NOL4: variants seen among roughly 807,000 people sequenced by gnomAD.
The protein encoded by NOL4 is nucleolar protein 4.
Under a neutral mutation model 75.9 loss-of-function variants are expected in NOL4, and 17 were observed. That is an observed-to-expected ratio of 0.22 (90% CI 0.15 to 0.34). The LOEUF (loss-of-function observed/expected upper bound fraction) is 0.34. Among genes scored for constraint, NOL4 ranks in the 10% least tolerant of loss-of-function variants. The probability of loss-of-function intolerance (pLI) is 1.00; values close to 1 mark genes in which losing one functional copy is unlikely to be tolerated. For synonymous variants in NOL4, 292 were observed against 289.9 expected (o/e 1.01, Z -0.07); for missense variants, 614 against 793.5 (o/e 0.77, Z 2.72).
chr18:34,209,194 CAAA>C (rs777403436), intron 1 of NOL4, among the ~76,000 whole-genome samples: 1 of 56,454 alleles, frequency 1.8e-5, no homozygotes. Flanking sequence ...ACTCTGTCTC[CAAA>C]AAAAAAAAAA....
At chr18:34,074,654 C>T (rs1600493497) in intron 5 of NOL4, among the ~76,000 whole-genome samples, 2 of 151,888 alleles carry the variant, frequency 1.3e-5, no homozygotes, top group Non-Finnish European at 1.5e-5. Context: ...TGATATTTCA[C>T]GAGTACCAAG....
chr18:34,116,130 T>C (rs2079844910), intron 2 of NOL4, among the ~76,000 whole-genome samples: 1 of 152,116 alleles, frequency 6.6e-6, no homozygotes, highest in Non-Finnish European at 1.5e-5. Flanking sequence ...CATATAAAAG[T>C]AATTTAACCA....
chr18:33,976,515 TC>T (rs2071499639), intron 6 of NOL4, among the ~76,000 whole-genome samples: 1 of 152,272 alleles, frequency 6.6e-6, no homozygotes, highest in Middle Eastern at 3.4e-3. Context: ...GCAAACTTCA[TC>T]TTTTGATACC....
chr18:34,185,421 C>A (rs978008276), intron 1 of NOL4, among the ~76,000 whole-genome samples: 3 of 151,990 alleles, frequency 2.0e-5, no homozygotes, highest in Non-Finnish European at 4.4e-5. Flanking sequence ...AGGTGTGCTG[C>A]AGGAAAGAAA....
chr18:33,987,872 A>G (rs532253114), intron 6 of NOL4, among the ~76,000 whole-genome samples: 1 of 152,172 alleles, frequency 6.6e-6, no homozygotes, highest in African/African-American at 2.4e-5. Context: ...TGATGTCCCA[A>G]TGCATACTGA....
chr18:33,867,573 C>T lies in NOL4; in HGVS notation c.1724-14538G>A, dbSNP rs73955065. 9.8e-3 allele frequency among the ~76,000 whole-genome samples: 1,488 copies of T among 152,038 alleles called. 26 individuals are homozygous for T. The highest frequency in any genetic ancestry group is 0.033 in the African/African-American group (1,377 of 41,490). On this transcript the variant is annotated intron_variant, in intron 10 of 10. Transcript: ENST00000261592. ...CATTTTGGAGGTTTTCGTCTTATCA[C>T]GCCCCTTGCTTACCACAATTCATAC... is the stretch of plus-strand genomic sequence containing the variant.
intron 2 of NOL4, chr18:34,121,361 C>G (rs1351436686): frequency 2.0e-5 from 3 of 152,154 alleles, no homozygotes; most frequent in African/African-American, 4.8e-5. Flanking sequence ...GTCTAGAGTT[C>G]ATTGGCATGT....
chr18:33,882,299 C>T (rs894422313), intron 10 of NOL4, among the ~76,000 whole-genome samples: 10 of 151,944 alleles, frequency 6.6e-5, no homozygotes, highest in Non-Finnish European at 1.0e-4. Flanking sequence ...TTTTTGCAAC[C>T]TACTCATCTG....
chr18:34,213,631 TTCC>T (rs1600897777), intron 1 of NOL4, among the ~76,000 whole-genome samples: 1 of 152,040 alleles, frequency 6.6e-6, no homozygotes, highest in Non-Finnish European at 1.5e-5. Context: ...CTGGAGTGAG[TTCC>T]TAATAAAATA....
intron 9 of NOL4, among the ~76,000 whole-genome samples, chr18:33,929,148 G>A (rs1243214704): frequency 2.0e-5 from 3 of 152,094 alleles, no homozygotes; most frequent in South Asian, 2.1e-4. Flanking sequence ...TCTCTAGCAT[G>A]TACTTACAGT....
intron 5 of NOL4, among the ~76,000 whole-genome samples, chr18:34,022,103 T>C (rs972478488): frequency 7.1e-6 from 1 of 140,054 alleles, no homozygotes; most frequent in Non-Finnish European, 1.6e-5. Flanking sequence ...AAACTGCATC[T>C]CAAAAAAAAT....
intron 6 of NOL4, among the ~76,000 whole-genome samples, chr18:33,991,122 T>C (rs1434330696): frequency 6.6e-6 from 1 of 151,990 alleles, no homozygotes; most frequent in African/African-American, 2.4e-5. Flanking sequence ...TATTTAATTA[T>C]ATCCTTAAGC....
intron 5 of NOL4, among the ~76,000 whole-genome samples, chr18:34,022,009 C>A (rs1436695408): frequency 6.6e-6 from 1 of 151,684 alleles, no homozygotes; most frequent in Admixed American, 6.6e-5. Flanking sequence ...GAGGCTGAGG[C>A]AGGAGAATCG....
chr18:34,011,075 CTAAAA>C (rs533699652), intron 6 of NOL4, among the ~76,000 whole-genome samples: 14 of 151,332 alleles, frequency 9.3e-5, no homozygotes, highest in Non-Finnish European at 1.9e-4. Context: ...TTTAAAATAA[CTAAAA>C]TAGTGAAATT....
chr18:34,104,918 C>T (rs2079198801), intron 3 of NOL4, 131 bp downstream of exon 3: 2 of 558,088 alleles, frequency 3.6e-6, no homozygotes, highest in Admixed American at 3.3e-5. Context: ...TCACTGCCTC[C>T]TACTTGAATA....
chr18:34,144,278 C>T (rs1045942607), intron 1 of NOL4, among the ~76,000 whole-genome samples: 1 of 152,058 alleles, frequency 6.6e-6, no homozygotes, highest in African/African-American at 2.4e-5. Flanking sequence ...CCTGTTAGCT[C>T]TCATGAGTTA....
At chr18:33,869,632 T>G in intron 10 of NOL4, among the ~76,000 whole-genome samples, 1 of 152,124 alleles carries the variant, frequency 6.6e-6, no homozygotes, top group Admixed American at 6.6e-5. Flanking sequence ...TAATCTACAA[T>G]CATCCAACCA....
chr18:33,899,905 G>T (rs893021281), intron 9 of NOL4, among the ~76,000 whole-genome samples: 1 of 152,040 alleles, frequency 6.6e-6, no homozygotes, highest in Non-Finnish European at 1.5e-5. Flanking sequence ...TAGGTTTTCT[G>T]GGATTACAGC....
At chr18:34,014,602 T>C (rs2074572452) in intron 6 of NOL4, among the ~76,000 whole-genome samples, 1 of 152,012 alleles carries the variant, frequency 6.6e-6, no homozygotes, top group South Asian at 2.1e-4. Flanking sequence ...TTTCATTTTC[T>C]ATATAGCTAA....
Sources: gnomAD v4.1 joint callset for allele counts (sites outside exome capture counted in the v4.1 genomes callset) on GRCh38, gnomAD v4.1.1 for gene constraint, MANE v1.5 for transcripts, NCBI Gene and HGNC (gene_info 2026-07-23, HGNC 2026-07-21) for gene names.